The following CLMN variants were observed in gnomAD, a reference collection of about 807,000 sequenced individuals.
The protein encoded by CLMN is calmin (calponin-like, transmembrane).
Under a neutral mutation model 92.7 loss-of-function variants are expected in CLMN, and 57 were observed. That is an observed-to-expected ratio of 0.61 (90% confidence interval 0.50 to 0.77). CLMN has a LOEUF of 0.77. Among genes scored for constraint, CLMN ranks in the 30% least tolerant of loss-of-function variants. The pLI, the probability that CLMN is intolerant of heterozygous loss-of-function variation, is 0.00. For missense variants in CLMN, 1,158 were observed against 1,237.5 expected, an observed-to-expected ratio of 0.94 and a Z score of 0.96; for synonymous variants, 466 against 470.6, an observed-to-expected ratio of 0.99 and a Z score of 0.13.
intron 3 of CLMN, among the ~76,000 whole-genome samples, chr14:95,222,134 CCATTACGT>C (rs1897563050): frequency 6.6e-6 from 1 of 152,190 alleles, no homozygotes; most frequent in Non-Finnish European, 1.5e-5. Flanking sequence ...CTGAGACCCT[CCATTACGT>C]GTTCCCTTCG....
Position 95,194,554 on chromosome 14 carries a change from A to T in CLMN, c.2751T>A (p.Thr917=). 1.9e-6 allele frequency: 3 copies of T among 1,614,210 alleles called. No homozygotes were observed. Among genetic ancestry groups the T allele is most frequent in the Non-Finnish European group, 2.5e-6 (3 of 1,180,042 alleles). ...TACTAACCGATTCCGAAGACCTATG[A>T]GTATGTCGTCGAAGGTAAATGCTGG... ...SDSSIYLRRH[T]HRSSESDHFS... The change falls in exon 11 of 13, where the codon ACT becomes ACA. Residue 917 remains threonine (T), a synonymous_variant. Transcript: ENST00000298912. The surrounding 1 kb of genome is among the most constrained non-coding windows in gnomAD (Gnocchi z 4.0).
At chr14:95,283,667 A>AT (rs1215371161) in intron 1 of CLMN, among the ~76,000 whole-genome samples, 1 of 152,170 alleles carries the variant, frequency 6.6e-6, no homozygotes, top group East Asian at 1.9e-4. Context: ...TACTGGGGGC[A>AT]TTTTTCCCCT....
chr14:95,193,422 T>C, intron 12 of CLMN: 3 of 1,520,218 alleles, frequency 2.0e-6, no homozygotes, highest in South Asian at 1.2e-5. Flanking sequence ...GTACCTGCAG[T>C]GGCAACAGAG....
chr14:95,257,734 C>T lies in CLMN; in HGVS notation c.83-27601G>A, dbSNP rs530975292. 5.6e-4 allele frequency among the ~76,000 whole-genome samples: 86 copies of T among 152,372 alleles called. 1 individual carries two copies. Among genetic ancestry groups the T allele is most frequent in the African/African-American group, 2.0e-3 (84 of 41,576 alleles). On this transcript the variant is annotated intron_variant, in intron 1 of 12. Transcript: ENST00000298912. ...CTAGTAAGACTTCCAAGTCCTAGGCCTTGTCTCTGCCGCATCTCAGCACCC... is the reference window on the plus strand; with the variant it reads ...CTAGTAAGACTTCCAAGTCCTAGGCTTTGTCTCTGCCGCATCTCAGCACCC...
chr14:95,198,577 G>C (rs549714304), intron 9 of CLMN, among the ~76,000 whole-genome samples: 2 of 151,986 alleles, frequency 1.3e-5, no homozygotes, highest in Admixed American at 6.5e-5. Flanking sequence ...GTGAGGCAGC[G>C]GACCGGAGCC....
chr14:95,250,490 AAAATAAT>A (rs1454205451), intron 1 of CLMN, among the ~76,000 whole-genome samples: 1 of 152,268 alleles, frequency 6.6e-6, no homozygotes, highest in African/African-American at 2.4e-5. Flanking sequence ...AAGCCAGAGA[AAAATAAT>A]TCAAGATAAG....
chr14:95,219,680 C>T (rs1283752003), intron 4 of CLMN, among the ~76,000 whole-genome samples: 6 of 152,200 alleles, frequency 3.9e-5, no homozygotes. Context: ...AAACAGTCCT[C>T]CGTACTCCAG....
chr14:95,313,526 T>C (rs1305941498), intron 1 of CLMN, among the ~76,000 whole-genome samples: 1 of 152,006 alleles, frequency 6.6e-6, no homozygotes, highest in Non-Finnish European at 1.5e-5. Context: ...AGAAAGAAAG[T>C]AGGAAAAGAA....
chr14:95,289,740 G>A lies in CLMN; in HGVS notation c.82+29971C>T, dbSNP rs546585445. 2.0e-4 allele frequency among the ~76,000 whole-genome samples: 30 copies of A among 152,172 alleles called. 1 individual carries two copies. Among genetic ancestry groups the A allele is most frequent in the Middle Eastern group, 6.8e-3 (2 of 294 alleles). On this transcript the variant is annotated intron_variant, in intron 1 of 12. Coordinates refer to ENST00000298912, the MANE Select transcript of CLMN (RefSeq NM_024734.4). ...ACTTTCTCCACAGCCTAGTCCTCTCGGCTGTTGTCCTCTCTGTTCCCTTTT... is the reference window on the plus strand; with the variant it reads ...ACTTTCTCCACAGCCTAGTCCTCTCAGCTGTTGTCCTCTCTGTTCCCTTTT...
chr14:95,203,475 T>C lies in CLMN; in HGVS notation c.1874A>G (p.Lys625Arg). 1.2e-6 allele frequency: 2 copies of C among 1,614,212 alleles called. No individual in the cohort carries two copies. The highest frequency in any genetic ancestry group is 1.7e-6 in the Non-Finnish European group (2 of 1,180,036). Residue 625 changes from lysine to arginine, a missense_variant, in exon 9 of 13, where the codon AAG becomes AGG. Lys to Arg is a conservative substitution (Grantham distance 26). Coordinates refer to ENST00000298912, the MANE Select transcript of CLMN (RefSeq NM_024734.4). ...KKKDSPEPQV[K>R]MDKHEPHQDS... ...CTGATGAGGTTCATGTTTGTCCATC[T>C]TAACTTGAGGCTCTGGCGAATCCTT...
chr14:95,267,610 G>C (rs886810699), intron 1 of CLMN, among the ~76,000 whole-genome samples: 1 of 152,142 alleles, frequency 6.6e-6, no homozygotes, highest in African/African-American at 2.4e-5. Context: ...CAGCCACTAT[G>C]AAGATTCGTC....
rs80288032 is a variant in CLMN at position 95,319,778 on chromosome 14, C to T, written c.15G>A (p.Glu5=). Residue 5 remains glutamate, a synonymous_variant, in exon 1 of 13, where the codon GAG becomes GAA. Transcript: ENST00000298912. MAAH[E]WDWFQREELI... ...GCTCCTCGCGTTGGAACCAGTCCCA[C>T]TCGTGTGCAGCCATGAAGCGCGGGC... 79,638 of 1,586,874 alleles carry T rather than the reference C, an allele frequency of 0.05. 8,564 individuals are homozygous for T. The highest frequency in any genetic ancestry group is 0.48 in the East Asian group (20,237 of 42,088).
intron 2 of CLMN, among the ~76,000 whole-genome samples, chr14:95,225,571 T>G (rs1310650548): frequency 6.6e-6 from 1 of 152,202 alleles, no homozygotes; most frequent in Non-Finnish European, 1.5e-5. Context: ...TCAGAGGGTG[T>G]ATGCCTTGTG....
intron 1 of CLMN, among the ~76,000 whole-genome samples, chr14:95,237,131 T>C (rs1325625720): frequency 6.6e-6 from 1 of 152,234 alleles, no homozygotes; most frequent in Non-Finnish European, 1.5e-5. Context: ...AATAACTCCC[T>C]CCTGGGGCTG....
intron 1 of CLMN, among the ~76,000 whole-genome samples, chr14:95,288,514 G>A (rs1182810383): frequency 1.3e-5 from 2 of 152,200 alleles, no homozygotes; most frequent in African/African-American, 4.8e-5. Flanking sequence ...GTTCTGCTAG[G>A]TGATGAAGCA....
At chr14:95,277,685 T>C (rs1899987766) in intron 1 of CLMN, among the ~76,000 whole-genome samples, 2 of 152,350 alleles carry the variant, frequency 1.3e-5, no homozygotes, top group South Asian at 4.1e-4. Context: ...CAGAGTGCAG[T>C]GGCACGATCT....
At chr14:95,202,372 G>A (rs2140572428) in intron 9 of CLMN, among the ~76,000 whole-genome samples, 1 of 152,210 alleles carries the variant, frequency 6.6e-6, no homozygotes, top group Non-Finnish European at 1.5e-5. Context: ...TATTCCTGTT[G>A]GGCACTAATA....
At chr14:95,209,790 G>A (rs952417750) in intron 7 of CLMN, among the ~76,000 whole-genome samples, 1 of 152,250 alleles carries the variant, frequency 6.6e-6, no homozygotes, top group Non-Finnish European at 1.5e-5. Flanking sequence ...CAAGGACGGT[G>A]AACCAGGCAG....
intron 1 of CLMN, among the ~76,000 whole-genome samples, chr14:95,271,592 T>C (rs1390461280): frequency 6.6e-6 from 1 of 152,206 alleles, no homozygotes; most frequent in Non-Finnish European, 1.5e-5. Flanking sequence ...CAGGTTTAAA[T>C]AAAGTAAAAG....
Sources: allele counts gnomAD v4.1 joint callset (sites outside exome capture counted in the v4.1 genomes callset), GRCh38; gene constraint gnomAD v4.1.1; non-coding constraint Gnocchi (gnomAD v3.1); transcripts MANE v1.5; gene names NCBI Gene and HGNC (gene_info 2026-07-23, HGNC 2026-07-21).